PCMT1: variants seen among roughly 807,000 people sequenced by gnomAD.
PCMT1 encodes the protein protein-L-isoaspartate(D-aspartate) O-methyltransferase.
A neutral mutation model predicts 29.2 loss-of-function variants in PCMT1; 9 were observed. The ratio of observed to expected loss-of-function variants is 0.31; its 90% confidence interval spans 0.19 to 0.54. PCMT1 has a LOEUF of 0.54. PCMT1 is among the 20% of genes least tolerant of loss of function. The pLI is 0.95. For missense variants in PCMT1, 184 were observed against 282.2 expected (o/e 0.65, Z 2.49); for synonymous variants, 98 against 97.5 (o/e 1.00, Z -0.03).
intron 3 of PCMT1, among the ~76,000 whole-genome samples, chr6:149,779,413 C>T (rs958318406): frequency 1.3e-5 from 2 of 152,144 alleles, no homozygotes; most frequent in African/African-American, 4.8e-5. Flanking sequence ...AGTCCGACTG[C>T]GCCAGTGATC....
At position 149,810,833 on chromosome 6, in the gene PCMT1, AT is replaced by A. The variant is rs1429903255; in HGVS notation, c.*258del. The A allele has an allele frequency of 8.8e-6, 4 of 455,034 alleles. No homozygotes were observed. Among genetic ancestry groups the A allele is most frequent in the Non-Finnish European group, 1.2e-5 (3 of 257,156 alleles). The allele number at this position is 455,034 out of a possible 1,614,324, so 28.2% of individuals were successfully genotyped here. ...GGTAGAGGAAGGATGCAAAGTATAAATTTGTGTAATATTACTTTAACATGCC... is the reference window on the plus strand; with the variant it reads ...GGTAGAGGAAGGATGCAAAGTATAAATTGTGTAATATTACTTTAACATGCC... On this transcript the variant is annotated 3_prime_UTR_variant, in exon 8 of 8. Coordinates refer to ENST00000464889, the MANE Select transcript of PCMT1 (RefSeq NM_001360452.2).
chr6:149,780,227 G>A (rs1471871440), intron 3 of PCMT1, among the ~76,000 whole-genome samples: 1 of 151,896 alleles, frequency 6.6e-6, no homozygotes, highest in Non-Finnish European at 1.5e-5. Flanking sequence ...TGTGGTCCCA[G>A]CTATTCTGCA....
chr6:149,783,227 G>T lies in PCMT1; in HGVS notation c.193-6727G>T, dbSNP rs1473706415. On this transcript the variant is annotated intron_variant, in intron 3 of 7. Coordinates refer to ENST00000464889, the MANE Select transcript of PCMT1 (RefSeq NM_001360452.2). ...GGCTCACTGCAACCTCCGCCTTCTG[G>T]GTTAAAGCAATTCTTCTGCCTCAGC... Among the ~76,000 whole-genome samples, 2 of 151,868 alleles carry T rather than the reference G, an allele frequency of 1.3e-5. 1 individual carries two copies. The highest frequency in any genetic ancestry group is 2.9e-5 in the Non-Finnish European group (2 of 67,972).
rs1787404779 is a variant in PCMT1, at chr6:149,773,127, T to A, written c.161-11T>A. 21 of 1,607,570 alleles carry A rather than the reference T, an allele frequency of 1.3e-5. No homozygotes were observed. The highest frequency in any genetic ancestry group is 1.7e-5 in the Admixed American group (1 of 59,828). ...GCTGACTGTATCAGTAGTTCTCTTC[T>A]TCTTTTGCAGGTTTCCAAGCAACAA... On this transcript the variant is annotated splice_polypyrimidine_tract_variant and intron_variant, in intron 2 of 7. Transcript: ENST00000464889.
intron 7 of PCMT1, among the ~76,000 whole-genome samples, chr6:149,805,798 G>T (rs922084789): frequency 6.6e-6 from 1 of 151,670 alleles, no homozygotes; most frequent in Non-Finnish European, 1.5e-5. Context: ...AAAATTAGCT[G>T]GGCGTGGTGG....
chr6:149,809,115 C>T (rs1047869243), intron 7 of PCMT1, among the ~76,000 whole-genome samples: 3 of 149,200 alleles, frequency 2.0e-5, no homozygotes, highest in Admixed American at 1.3e-4. Flanking sequence ...AAAATTTAGC[C>T]GGGTATGGTG....
At chr6:149,762,636 ATAT>A (rs1786819812) in intron 1 of PCMT1, among the ~76,000 whole-genome samples, 1 of 6,748 alleles carries the variant, frequency 1.5e-4, no homozygotes, top group African/African-American at 1.5e-3. Flanking sequence ...TGATATATAT[ATAT>A]CTATGATATA....
At chr6:149,784,292 C>A (rs1403955232) in intron 3 of PCMT1, among the ~76,000 whole-genome samples, 3 of 152,028 alleles carry the variant, frequency 2.0e-5, no homozygotes, top group Non-Finnish European at 1.5e-5. Flanking sequence ...TTTAAAAATT[C>A]TTTTTTTAAG....
chr6:149,782,562 G>C (rs1787855982), intron 3 of PCMT1, among the ~76,000 whole-genome samples: 1 of 152,200 alleles, frequency 6.6e-6, no homozygotes, highest in Admixed American at 6.5e-5. Flanking sequence ...GCTCCTTGGA[G>C]TAGTGACTGA....
At chr6:149,775,043 C>T (rs967361405) in intron 3 of PCMT1, among the ~76,000 whole-genome samples, 15 of 152,098 alleles carry the variant, frequency 9.9e-5, no homozygotes, top group African/African-American at 3.6e-4. Flanking sequence ...CAGGGTTTCA[C>T]CTTGTTGGCC....
chr6:149,758,208 C>CTTTCTTTCTTTTTTTTTT (rs1554251094), intron 1 of PCMT1, among the ~76,000 whole-genome samples: 36 of 73,898 alleles, frequency 4.9e-4, no homozygotes, highest in African/African-American at 1.9e-3. Flanking sequence ...TTCTTTCTTT[C>CTTTCTTTCTTTTTTTTTT]TTTTTTTTTT....
At chr6:149,755,032 G>C (rs1041559075) in intron 1 of PCMT1, among the ~76,000 whole-genome samples, 1 of 152,124 alleles carries the variant, frequency 6.6e-6, no homozygotes, top group African/African-American at 2.4e-5. Context: ...ACAACATACA[G>C]ATGGTCCCTG....
At position 149,811,362 on chromosome 6, in the gene PCMT1, A is replaced by C. The variant is rs544054488; in HGVS notation, c.*784A>C. The C allele has an allele frequency of 6.5e-6, 1 of 152,782 alleles. No individual in the cohort carries two copies. The highest frequency in any genetic ancestry group is 1.9e-4 in the East Asian group (1 of 5,194). The allele number at this position is 152,782 out of a possible 1,614,324, so 9.5% of individuals were successfully genotyped here. Reference sequence around the variant, plus strand: ...TAACATGCTGTGTAAGCTGTGTCCTAGTTCTTGAACAGTTTATGCAGTGCT... The same window carrying C: ...TAACATGCTGTGTAAGCTGTGTCCTCGTTCTTGAACAGTTTATGCAGTGCT... On this transcript the variant is annotated 3_prime_UTR_variant, in exon 8 of 8. Transcript: ENST00000464889.
At chr6:149,771,833 T>C (rs1200847432) in intron 2 of PCMT1, among the ~76,000 whole-genome samples, 1 of 152,218 alleles carries the variant, frequency 6.6e-6, no homozygotes. Flanking sequence ...AAAAAACTTT[T>C]AATGAAAACT....
chr6:149,801,366 G>A (rs1775821901), intron 6 of PCMT1, among the ~76,000 whole-genome samples: 2 of 152,164 alleles, frequency 1.3e-5, no homozygotes, highest in Non-Finnish European at 2.9e-5. Context: ...TCTACTTGTG[G>A]TGTCATGTTG....
At chr6:149,787,321 AGGGAGCGGGAGC>A (rs1029052408) in intron 3 of PCMT1, among the ~76,000 whole-genome samples, 1 of 138,030 alleles carries the variant, frequency 7.2e-6, no homozygotes, top group Non-Finnish European at 1.6e-5. Flanking sequence ...GGAGAGGGAG[AGGGAGCGGGAGC>A]GGGAGCTGGC....
rs1403383490 is a variant in PCMT1, at chr6:149,762,927, GATATATATGATATAT to G, written c.56-8230_56-8216del. ...ATATATCTATGATATATATATCTATGATATATATGATATATATATCTATGATATGTATATCTATGA... is the reference window on the plus strand; with the variant it reads ...ATATATCTATGATATATATATCTATGATATCTATGATATGTATATCTATGA... On this transcript the variant is annotated intron_variant, in intron 1 of 7. Transcript: ENST00000464889. Among the ~76,000 whole-genome samples the G allele has an allele frequency of 4.2e-5, 2 of 47,852 alleles. 1 individual carries two copies. The highest frequency in any genetic ancestry group is 5.7e-5 in the Non-Finnish European group (2 of 35,226). 31.4% of individuals were successfully genotyped at this position (47,852 alleles called of 152,430 possible).
intron 6 of PCMT1, 130 bp downstream of exon 6, chr6:149,796,630 A>C: frequency 1.7e-6 from 1 of 597,766 alleles, no homozygotes; most frequent in Non-Finnish European, 2.9e-6. Flanking sequence ...GGTTACATTT[A>C]GCTGTTACTC....
At position 149,753,817 on chromosome 6, in the gene PCMT1, CTTATA is replaced by C. The variant is rs1406716839; in HGVS notation, c.55+3867_55+3871del. 3.2e-4 allele frequency among the ~76,000 whole-genome samples: 49 copies of C among 152,186 alleles called. 1 individual carries two copies. The highest frequency in any genetic ancestry group is 2.1e-3 in the East Asian group (11 of 5,186). ...TAATGGTAGATTTCTTATGTCATGG[CTTATA>C]TTATAACCACTCTTAAGTAACTTAG... On this transcript the variant is annotated intron_variant, in intron 1 of 7. Transcript: ENST00000464889.
Sources: allele counts gnomAD v4.1 joint callset (sites outside exome capture counted in the v4.1 genomes callset), GRCh38; gene constraint gnomAD v4.1.1; transcripts MANE v1.5; gene names NCBI Gene and HGNC (gene_info 2026-07-23, HGNC 2026-07-21).